SLC2A11: variants seen among roughly 807,000 people sequenced by gnomAD.
The protein encoded by SLC2A11 is solute carrier family 2, facilitated glucose transporter member 11.
A neutral mutation model predicts 52.1 loss-of-function variants in SLC2A11; 43 were observed. That is an observed-to-expected ratio of 0.82 (90% CI 0.65 to 1.06). SLC2A11 has a LOEUF of 1.06. Among genes scored for constraint, SLC2A11 ranks in the 50% least tolerant of loss-of-function variants. The pLI, the probability that SLC2A11 is intolerant of heterozygous loss-of-function variation, is 0.00. For synonymous variants in SLC2A11, 261 were observed against 277.6 expected (o/e 0.94, Z 0.59); for missense variants, 582 against 654.2 (o/e 0.89, Z 1.20).
At chr22:23,857,791 CTCTCAAT>C (rs2031903158), upstream of SLC2A11, 9 of 1,448,564 alleles carry the variant, frequency 6.2e-6, no homozygotes, top group Admixed American at 2.4e-4. Context: ...GGTGCGGCCG[CTCTCAAT>C]ACCCACTGCG....
In SLC2A11 at chr22:23,875,240, A is replaced by C. The variant is rs144550544; in HGVS notation, c.414A>C (p.Ala138=). ...GAAGACTGCTCGTGGGAGTCAATGCAGGTATGGGGTGGGGGCTTCTCATCC... is the reference window on the plus strand; with the variant it reads ...GAAGACTGCTCGTGGGAGTCAATGCCGGTATGGGGTGGGGGCTTCTCATCC... ...MLGRLLVGVN[A]GVSMNIQPMY... The change falls in exon 4 of 12, where the codon GCA becomes GCC. Residue 138 remains alanine, a splice_region_variant and synonymous_variant. Coordinates refer to ENST00000316185, the MANE Select transcript of SLC2A11 (RefSeq NM_001024939.4). 1.2e-5 allele frequency: 18 copies of C among 1,452,258 alleles called. No homozygotes were observed. The African/African-American group carries it at 2.6e-4, about 21-fold the overall frequency. 90.0% of individuals were successfully genotyped at this position (1,452,258 alleles called of 1,614,324 possible).
At position 23,885,570 on chromosome 22, in the gene SLC2A11, G is replaced by T. The variant is rs1228896756; in HGVS notation, c.*721G>T. The T allele has an allele frequency of 6.6e-6, 1 of 151,634 alleles. No individual in the cohort carries two copies. Among genetic ancestry groups the T allele is most frequent in the Non-Finnish European group, 1.5e-5 (1 of 67,982 alleles). The allele number at this position is 151,634 out of a possible 1,614,324, so 9.4% of individuals were successfully genotyped here. On this transcript the variant is annotated 3_prime_UTR_variant, in exon 12 of 12. Transcript: ENST00000316185. ...AAAAAAAAAAAATTAGCTGGGTGTGGTGGTACATGCCTGTGGTCCCAGCTA... is the reference window on the plus strand; with the variant it reads ...AAAAAAAAAAAATTAGCTGGGTGTGTTGGTACATGCCTGTGGTCCCAGCTA...
chr22:23,863,380 A>T (rs1229040271), intron 2 of SLC2A11, among the ~76,000 whole-genome samples: 1 of 152,162 alleles, frequency 6.6e-6, no homozygotes, highest in East Asian at 1.9e-4. Flanking sequence ...CCTTGATGGT[A>T]GCCTGGCCCG....
chr22:23,857,661 C>G (rs991895284), upstream of SLC2A11: 139 of 1,102,440 alleles, frequency 1.3e-4, no homozygotes, highest in Middle Eastern at 8.9e-4. Flanking sequence ...AACGCTGAGT[C>G]CGCGCATGCG....
At chr22:23,864,678 G>T (rs775505412) in intron 2 of SLC2A11, among the ~76,000 whole-genome samples, 1 of 152,128 alleles carries the variant, frequency 6.6e-6, no homozygotes, top group Non-Finnish European at 1.5e-5. Context: ...ACTAGAGAGG[G>T]GTCCATCCCA....
Position 23,875,226 on chromosome 22 carries a change from G to C in SLC2A11, c.400G>C (p.Val134Leu). 1 of 1,501,664 alleles carries C rather than the reference G, an allele frequency of 6.7e-7. No individual in the cohort carries two copies. The highest frequency in any genetic ancestry group is 9.0e-7 in the Non-Finnish European group (1 of 1,114,992). The allele number at this position is 1,501,664 out of a possible 1,614,324, so 93.0% of individuals were successfully genotyped here. ...FEMIMLGRLLVGVNAGVSMNI... is the reference protein window; with the variant it reads ...FEMIMLGRLLLGVNAGVSMNI... The stretch of plus-strand genomic sequence containing the variant: ...GATGATCATGCTGGGAAGACTGCTC[G>C]TGGGAGTCAATGCAGGTATGGGGTG... The change falls in exon 4 of 12, where the codon GTG becomes CTG. Residue 134 changes from valine (V) to leucine (L), a missense_variant. Transcript: ENST00000316185.
chr22:23,858,120 TTAAC>T (rs1284555676), intron 1 of SLC2A11, 91 bp downstream of exon 1: 16 of 1,506,582 alleles, frequency 1.1e-5, no homozygotes, highest in African/African-American at 1.4e-5. Context: ...CCTGGGAGGC[TTAAC>T]TAAGTCGTCA....
Position 23,884,989 on chromosome 22 carries a change from G to A in SLC2A11, c.*140G>A, listed in dbSNP as rs2032955558. ...CCCTTTGTGTGCAGACATGGCTCCAGGTGCTTAGCAATCAATGGTGAGCGT... is the reference window on the plus strand; with the variant it reads ...CCCTTTGTGTGCAGACATGGCTCCAAGTGCTTAGCAATCAATGGTGAGCGT... On this transcript the variant is annotated 3_prime_UTR_variant, in exon 12 of 12. Coordinates refer to ENST00000316185, the MANE Select transcript of SLC2A11 (RefSeq NM_001024939.4). The surrounding 1 kb of genome is among the most constrained non-coding windows in gnomAD (Gnocchi z 4.3). The A allele has an allele frequency of 1.5e-6, 1 of 664,452 alleles. No individual in the cohort carries two copies. 41.2% of individuals were successfully genotyped at this position (664,452 alleles called of 1,614,324 possible). A position where few individuals can be genotyped will look rare whatever the true frequency, so the allele number is the denominator to read the frequency against.
In SLC2A11 at chr22:23,877,870, G is replaced by A. The variant is rs1243109222; in HGVS notation, c.694+1G>A. ...GGAGACACCGAGGCCTGCCTGGCAG[G>A]TGAGTCTCTGTCCTTGGGCTCCCAG... On this transcript the variant is annotated splice_donor_variant, in intron 6 of 11. Coordinates refer to ENST00000316185, the MANE Select transcript of SLC2A11 (RefSeq NM_001024939.4). LOFTEE classifies it high-confidence loss of function. 2 of 1,608,794 alleles carry A rather than the reference G, an allele frequency of 1.2e-6. No homozygotes were observed. The highest frequency in any genetic ancestry group is 1.7e-6 in the Non-Finnish European group (2 of 1,177,262).
rs1231662417 is a variant in SLC2A11, at chr22:23,885,134, A to G, written c.*285A>G. ...TTGGGAGGCCAAGGTGGGAGGATCAATTGAGGCCAGAGTTTGAAACCAGCC... is the reference window on the plus strand; with the variant it reads ...TTGGGAGGCCAAGGTGGGAGGATCAGTTGAGGCCAGAGTTTGAAACCAGCC... On this transcript the variant is annotated 3_prime_UTR_variant, in exon 12 of 12. Transcript: ENST00000316185. The G allele has an allele frequency of 6.8e-5, 35 of 511,146 alleles. No individual in the cohort carries two copies. In the East Asian group the frequency reaches 1.1e-3, roughly 15 times the overall value. The allele number at this position is 511,146 out of a possible 1,614,324, so 31.7% of individuals were successfully genotyped here. A position where few individuals can be genotyped will look rare whatever the true frequency, so the allele number is the denominator to read the frequency against.
intron 1 of SLC2A11, among the ~76,000 whole-genome samples, chr22:23,859,160 G>A (rs2031964401): frequency 6.6e-6 from 1 of 152,180 alleles, no homozygotes; most frequent in Admixed American, 6.5e-5. Context: ...CTGTCTTAAG[G>A]GAGCTCTCAC....
At chr22:23,860,826 C>T (rs542961519) in intron 1 of SLC2A11, among the ~76,000 whole-genome samples, 2 of 144,532 alleles carry the variant, frequency 1.4e-5, no homozygotes, top group South Asian at 2.2e-4. Flanking sequence ...GGATTACAGA[C>T]GCCTGCCAAC....
Position 23,868,662 on chromosome 22 carries a change from C to T in SLC2A11, c.290+21C>T, listed in dbSNP as rs2032351617. 6.2e-6 allele frequency: 10 copies of T among 1,613,136 alleles called. No homozygotes were observed. The African/African-American group carries it at 1.1e-4, about 17-fold the overall frequency. On this transcript the variant is annotated intron_variant, in intron 3 of 11. Coordinates refer to ENST00000316185, the MANE Select transcript of SLC2A11 (RefSeq NM_001024939.4). ...GGAAGGTAAGTGCTTCCTGCATACC[C>T]CCTGAATGCCCTTTAATGAGGAGCG... is the stretch of plus-strand genomic sequence containing the variant.
intron 1 of SLC2A11, among the ~76,000 whole-genome samples, chr22:23,860,839 G>A (rs1302935474): frequency 6.8e-5 from 9 of 133,028 alleles, no homozygotes; most frequent in Non-Finnish European, 1.1e-4. Context: ...CTGCCAACAC[G>A]CCCAGCTAAT....
intron 2 of SLC2A11, among the ~76,000 whole-genome samples, chr22:23,864,437 G>C (rs1410963756): frequency 6.6e-6 from 1 of 152,090 alleles, no homozygotes; most frequent in Non-Finnish European, 1.5e-5. Context: ...TTCTGCCTCA[G>C]CCTCCCGAGT....
intron 8 of SLC2A11, chr22:23,883,559 G>T: frequency 2.0e-6 from 1 of 505,026 alleles, no homozygotes; most frequent in Non-Finnish European, 3.5e-6. Context: ...ACGGTTTGCG[G>T]GTCACTTCCA....
intron 2 of SLC2A11, chr22:23,866,169 TAA>T (rs944117407): frequency 4.0e-5 from 5 of 124,044 alleles, no homozygotes; most frequent in Non-Finnish European, 3.5e-5. Flanking sequence ...ACACTATCTT[TAA>T]AAAAAAAAAA....
intron 4 of SLC2A11, among the ~76,000 whole-genome samples, chr22:23,876,094 G>T (rs1261787243): frequency 6.6e-6 from 1 of 152,140 alleles, no homozygotes; most frequent in Non-Finnish European, 1.5e-5. Context: ...GTGATCTGAG[G>T]GGGTGAGGAG....
intron 4 of SLC2A11, 91 bp downstream of exon 4, chr22:23,875,332 C>T (rs2032584133): frequency 1.6e-6 from 2 of 1,257,766 alleles, no homozygotes; most frequent in Non-Finnish European, 1.0e-6. Flanking sequence ...CCTTCATTTC[C>T]TCCCTTTATT....
Sources: gnomAD v4.1 joint callset for allele counts (sites outside exome capture counted in the v4.1 genomes callset) on GRCh38, gnomAD v4.1.1 for gene constraint, Gnocchi (gnomAD v3.1) non-coding constraint, MANE v1.5 for transcripts, NCBI Gene and HGNC (gene_info 2026-07-23, HGNC 2026-07-21) for gene names.